Variants in AKAP9 observed in about 807,000 individuals in gnomAD.
The protein encoded by AKAP9 is A-kinase anchoring protein 9.
Under a neutral mutation model 488.5 loss-of-function variants are expected in AKAP9, and 311 were observed. That is an observed-to-expected ratio of 0.64 (90% CI 0.58 to 0.70). AKAP9 has a LOEUF of 0.70. Ranked by LOEUF, AKAP9 falls within the 30% of genes least tolerant of loss-of-function variation. The probability of loss-of-function intolerance (pLI) is 0.00; values close to 1 mark genes in which losing one functional copy is unlikely to be tolerated. For missense variants in AKAP9, 4,215 were observed against 4,374.5 expected (o/e 0.96, Z 1.03); for synonymous variants, 1,462 against 1,483.5 (o/e 0.99, Z 0.33).
chr7:92,049,722 T>C (rs962754955), intron 21 of AKAP9, among the ~76,000 whole-genome samples: 2 of 152,170 alleles, frequency 1.3e-5, no homozygotes, highest in Non-Finnish European at 2.9e-5. Context: ...TTGGAACATA[T>C]TCAGATTATT....
chr7:91,977,947 A>G (rs1040777244), intron 2 of AKAP9, among the ~76,000 whole-genome samples: 13 of 152,240 alleles, frequency 8.5e-5, no homozygotes, highest in Admixed American at 8.5e-4. Flanking sequence ...TTTCAGATTT[A>G]AAAGATAATC....
intron 1 of AKAP9, among the ~76,000 whole-genome samples, chr7:91,946,104 C>T (rs1212013010): frequency 6.6e-6 from 1 of 152,172 alleles, no homozygotes; most frequent in East Asian, 1.9e-4. Flanking sequence ...GATGGTGCTC[C>T]ATGCAAGCTG....
Position 91,970,589 on chromosome 7 carries a change from T to C in AKAP9, c.49-3122T>C, listed in dbSNP as rs1396411673. The C allele has an allele frequency of 1.4e-5, 6 of 434,198 alleles. No individual in the cohort carries two copies. The East Asian group carries it at 4.2e-4, about 31-fold the overall frequency. The allele number at this position is 434,198 out of a possible 1,614,324, so 26.9% of individuals were successfully genotyped here. ...CTTCTTTGTATTTGAAGGATAGCTT[T>C]GCTGGATACAGTATCCTTGGGTGGC... On this transcript the variant is annotated intron_variant, in intron 1 of 49. Transcript: ENST00000356239.
chr7:92,000,853 A>C lies in AKAP9; in HGVS notation c.936A>C (p.Gln312His), dbSNP rs547400264. 2.9e-6 allele frequency: 4 copies of C among 1,385,036 alleles called. No homozygotes were observed. Among genetic ancestry groups the C allele is most frequent in the East Asian group, 5.1e-5 (2 of 39,290 alleles). The allele number at this position is 1,385,036 out of a possible 1,614,324, so 85.8% of individuals were successfully genotyped here. Residue 312 changes from glutamine (Q) to histidine (H), a missense_variant, in exon 8 of 50, where the codon CAA (glutamine) becomes CAC (histidine). Physicochemically the swap from Gln to His is conservative, Grantham distance 24 (BLOSUM62 0). Coordinates refer to ENST00000356239, the MANE Select transcript of AKAP9 (RefSeq NM_005751.5). ...TTTCATTTTTTTTCCTAAAGGAACA[A>C]GATAAAAAAGTAGAAAACTCAAATA... ...QEKIKVYEME[Q>H]DKKVENSNKE...
intron 1 of AKAP9, among the ~76,000 whole-genome samples, chr7:91,954,287 C>G (rs1441681542): frequency 6.6e-6 from 1 of 152,100 alleles, no homozygotes; most frequent in Admixed American, 6.6e-5. Flanking sequence ...TAAATATACC[C>G]TTATTTATTT....
chr7:91,991,954 TC>T (rs1482334154), intron 3 of AKAP9, among the ~76,000 whole-genome samples: 1 of 152,224 alleles, frequency 6.6e-6, no homozygotes, highest in Non-Finnish European at 1.5e-5. Context: ...TTGTAAGCAC[TC>T]AGATTTGTGA....
At position 92,084,940 on chromosome 7, in the gene AKAP9, G is replaced by T; in HGVS notation, c.8832G>T (p.Lys2944Asn). ...CAGATTCCTTTCCAAAGAAAATAAAGGTACTAAAAGATAGATACCTTTTAT... is the reference window on the plus strand; with the variant it reads ...CAGATTCCTTTCCAAAGAAAATAAATGTACTAAAAGATAGATACCTTTTAT... ...SATDSFPKKI[K>N]GLLRAVHNEG... is the part of the protein sequence containing the mutation. Residue 2944 changes from lysine (K) to asparagine (N), a missense_variant and splice_region_variant, in exon 35 of 50, where the codon AAG becomes AAT. This residue lies in a region of AKAP9 where 1,476 missense variants were observed against 1,477.4 expected (regional missense o/e 1.00). Coordinates refer to ENST00000356239, the MANE Select transcript of AKAP9 (RefSeq NM_005751.5). 5 of 1,612,528 alleles carry T rather than the reference G, an allele frequency of 3.1e-6. No homozygotes were observed. Among genetic ancestry groups the T allele is most frequent in the Non-Finnish European group, 4.2e-6 (5 of 1,179,222 alleles).
chr7:91,992,841 A>C, intron 4 of AKAP9, 44 bp from the exon 5 acceptor site: 1 of 1,566,982 alleles, frequency 6.4e-7, no homozygotes, highest in African/African-American at 1.3e-5. Context: ...CTCCCTAAGG[A>C]ATATTGCTAA....
At position 92,042,082 on chromosome 7, in the gene AKAP9, A is replaced by G; in HGVS notation, c.4954A>G (p.Arg1652Gly). Reference protein sequence around the residue: ...SIDNENLVSERERVLLEELEA... With the variant: ...SIDNENLVSEGERVLLEELEA... Reference sequence around the variant, plus strand: ...AGATAATGAAAACCTGGTTTCAGAGAGAGAGAGGGTGCTTTTAGAGGAGCT... The same window carrying G: ...AGATAATGAAAACCTGGTTTCAGAGGGAGAGAGGGTGCTTTTAGAGGAGCT... Residue 1652 changes from arginine to glycine, a missense_variant, in exon 19 of 50, where the codon AGA becomes GGA. Physicochemically the swap from Arg to Gly is moderately radical, Grantham distance 125. Around this residue, in one of 5 missense-constraint regions of AKAP9, gnomAD observed 2,361 missense variants for 2,430.0 expected, o/e 0.97. Coordinates refer to ENST00000356239, the MANE Select transcript of AKAP9 (RefSeq NM_005751.5). 1 of 1,613,918 alleles carries G rather than the reference A, an allele frequency of 6.2e-7. No homozygotes were observed. Among genetic ancestry groups the G allele is most frequent in the South Asian group, 1.1e-5 (1 of 91,072 alleles).
intron 14 of AKAP9, among the ~76,000 whole-genome samples, chr7:92,024,610 C>T (rs1802829254): frequency 6.6e-6 from 1 of 151,974 alleles, no homozygotes; most frequent in Non-Finnish European, 1.5e-5. Context: ...AGATAATTCC[C>T]TGCACATAAT....
chr7:91,996,585 A>T (rs1367416748), intron 7 of AKAP9, among the ~76,000 whole-genome samples: 3 of 152,062 alleles, frequency 2.0e-5, no homozygotes, highest in African/African-American at 7.2e-5. Flanking sequence ...CCTCAGCTAG[A>T]AGTGTATGTC....
At chr7:91,994,469 T>A (rs1798144590) in intron 5 of AKAP9, 152 bp from the exon 6 acceptor site, 4 of 704,058 alleles carry the variant, frequency 5.7e-6, no homozygotes, top group Non-Finnish European at 9.2e-6. Flanking sequence ...GAAGCACCAA[T>A]TTCTGTAAGT....
At chr7:92,055,139 A>T (rs576450147) in intron 22 of AKAP9, among the ~76,000 whole-genome samples, 1 of 152,144 alleles carries the variant, frequency 6.6e-6, no homozygotes, top group African/African-American at 2.4e-5. Flanking sequence ...ATTCCCATGG[A>T]ATTATTTTTA....
rs1813191901 is a variant in AKAP9 at position 92,079,650 on chromosome 7, G to A, written c.7517G>A (p.Ser2506Asn). 1.9e-6 allele frequency: 3 copies of A among 1,613,840 alleles called. No homozygotes were observed. Among genetic ancestry groups the A allele is most frequent in the African/African-American group, 1.3e-5 (1 of 74,882 alleles). Residue 2506 changes from serine to asparagine, a missense_variant, in exon 31 of 50, where the codon AGC becomes AAC. Ser to Asn is a conservative substitution (Grantham distance 46). Transcript: ENST00000356239. ...GAAACAAGGTTGCTACAACTTGAGA[G>A]CACTGTTAGTGCAAAGGACTTAGAA... Reference protein sequence around the residue: ...NLETRLLQLESTVSAKDLELT... With the variant: ...NLETRLLQLENTVSAKDLELT...
At chr7:91,959,407 C>T (rs969910551) in intron 1 of AKAP9, among the ~76,000 whole-genome samples, 27 of 151,966 alleles carry the variant, frequency 1.8e-4, no homozygotes, top group Non-Finnish European at 3.1e-4. Flanking sequence ...GTCCTTCCAC[C>T]TCAGCCTTTC....
At chr7:92,017,699 G>A (rs1015869723) in intron 12 of AKAP9, among the ~76,000 whole-genome samples, 1 of 152,166 alleles carries the variant, frequency 6.6e-6, no homozygotes, top group Non-Finnish European at 1.5e-5. Flanking sequence ...ATATTAAAAT[G>A]TTTAGGCAGA....
At position 92,038,599 on chromosome 7, in the gene AKAP9, G is replaced by A; in HGVS notation, c.4519G>A (p.Asp1507Asn). ...QIGFQTFETV[D>N]VKFKEEFKPL... ...TGGTTTTCAGACTTTTGAGACAGTG[G>A]ATGTGAAATTTAAAGAAGAATTTAA... Residue 1507 changes from aspartate (D) to asparagine (N), a missense_variant, in exon 17 of 50, where the codon GAT (aspartate) becomes AAT (asparagine). Transcript: ENST00000356239. 2 of 1,613,822 alleles carry A rather than the reference G, an allele frequency of 1.2e-6. No homozygotes were observed. Among genetic ancestry groups the A allele is most frequent in the South Asian group, 1.1e-5 (1 of 91,044 alleles).
At position 92,109,892 on chromosome 7, in the gene AKAP9, A is replaced by G. The variant is rs576470983; in HGVS notation, c.11687-230A>G. Among the ~76,000 whole-genome samples, 11 of 152,314 alleles carry G rather than the reference A, an allele frequency of 7.2e-5. No homozygotes were observed. In the East Asian group the frequency reaches 2.1e-3, roughly 29 times the overall value. ...CTTGAACCCAGGAGGCGGGGGTTGC[A>G]GTGAGCCAAGATCACACCACTGAAT... is the stretch of plus-strand genomic sequence containing the variant. On this transcript the variant is annotated intron_variant, in intron 49 of 49. Coordinates refer to ENST00000356239, the MANE Select transcript of AKAP9 (RefSeq NM_005751.5).
chr7:92,096,132 A>G (rs1240863651), intron 40 of AKAP9, among the ~76,000 whole-genome samples: 2 of 152,150 alleles, frequency 1.3e-5, no homozygotes, highest in Non-Finnish European at 2.9e-5. Flanking sequence ...TAAGAAATGT[A>G]CCCTGCTTCA....
Sources: allele counts gnomAD v4.1 joint callset (sites outside exome capture counted in the v4.1 genomes callset), GRCh38; gene constraint gnomAD v4.1.1; regional missense constraint gnomAD v4.1.1; transcripts MANE v1.5; gene names NCBI Gene and HGNC (gene_info 2026-07-23, HGNC 2026-07-21).